Variants in AK8 observed in about 807,000 individuals in gnomAD.
The protein encoded by AK8 is adenylate kinase 8.
A neutral mutation model predicts 54.6 loss-of-function variants in AK8; 44 were observed. The observed-to-expected ratio is 0.81, with a 90% CI of 0.63 to 1.04. The LOEUF (loss-of-function observed/expected upper bound fraction) is 1.04. Among genes scored for constraint, AK8 ranks in the 50% least tolerant of loss-of-function variants. The pLI, the probability that AK8 is intolerant of heterozygous loss-of-function variation, is 0.00. For synonymous variants in AK8, 239 were observed against 245.6 expected, an observed-to-expected ratio of 0.97 and a Z score of 0.25; for missense variants, 555 against 613.6, an observed-to-expected ratio of 0.90 and a Z score of 1.01.
At chr9:132,794,558 C>T (rs1049495790) in intron 10 of AK8, among the ~76,000 whole-genome samples, 1 of 152,194 alleles carries the variant, frequency 6.6e-6, no homozygotes. Context: ...CACAAAGATA[C>T]TTCTCTCTGG....
chr9:132,812,201 C>T (rs553266716), intron 10 of AK8, among the ~76,000 whole-genome samples: 8 of 149,500 alleles, frequency 5.4e-5, no homozygotes, highest in Admixed American at 2.0e-4. Flanking sequence ...ACAGGTACTC[C>T]GCCATTGCTG....
At chr9:132,828,548 G>T in intron 6 of AK8, 97 bp downstream of exon 6, 1 of 1,078,762 alleles carries the variant, frequency 9.3e-7, no homozygotes, top group Non-Finnish European at 1.4e-6. Context: ...ACGGTGCCTG[G>T]GCTGAGGTCA....
At position 132,803,833 on chromosome 9, in the gene AK8, C is replaced by T. The variant is rs1013167698; in HGVS notation, c.979+10805G>A. 6.6e-6 allele frequency among the ~76,000 whole-genome samples: 1 copy of T among 152,064 alleles called. No homozygotes were observed. The highest frequency in any genetic ancestry group is 1.5e-5 in the Non-Finnish European group (1 of 68,008). Reference sequence around the variant, plus strand: ...TTCCTTCAAGACTAATTCTCTGGGCCGGGCATGGTGGTTCACGCCTGTAAT... The same window carrying T: ...TTCCTTCAAGACTAATTCTCTGGGCTGGGCATGGTGGTTCACGCCTGTAAT... On this transcript the variant is annotated intron_variant, in intron 10 of 12. Coordinates refer to ENST00000298545, the MANE Select transcript of AK8 (RefSeq NM_152572.3). This position sits in a 1 kb window ranked among gnomAD's most constrained non-coding sequence, Gnocchi z 4.4.
chr9:132,748,938 G>A (rs1426952391), intron 11 of AK8, among the ~76,000 whole-genome samples: 1 of 151,882 alleles, frequency 6.6e-6, no homozygotes, highest in Non-Finnish European at 1.5e-5. Context: ...GCAATGGCGC[G>A]ATCTCGGCTC....
At chr9:132,798,884 C>T (rs1282415918) in intron 10 of AK8, among the ~76,000 whole-genome samples, 1 of 152,156 alleles carries the variant, frequency 6.6e-6, no homozygotes, top group Non-Finnish European at 1.5e-5. Context: ...GGGCCCGTGT[C>T]CCACCCTCCT....
rs1839879941 is a variant in AK8 at position 132,790,015 on chromosome 9, G to C, written c.1121+2619C>G. On this transcript the variant is annotated intron_variant, in intron 11 of 12. Transcript: ENST00000298545. This position sits in a 1 kb window ranked among gnomAD's most constrained non-coding sequence, Gnocchi z 4.1. Reference sequence around the variant, plus strand: ...CATGTAATGTAATATTCAGACGCATGACAGCAGGGGGCAAAGGTCCTAAGG... The same window carrying C: ...CATGTAATGTAATATTCAGACGCATCACAGCAGGGGGCAAAGGTCCTAAGG... Among the ~76,000 whole-genome samples, 1 of 152,166 alleles carries C rather than the reference G, an allele frequency of 6.6e-6. No individual in the cohort carries two copies. The highest frequency in any genetic ancestry group is 1.5e-5 in the Non-Finnish European group (1 of 68,044).
chr9:132,792,027 C>T (rs1433956810), intron 11 of AK8, among the ~76,000 whole-genome samples: 1 of 152,238 alleles, frequency 6.6e-6, no homozygotes, highest in East Asian at 1.9e-4. Context: ...ACCTCCGCTG[C>T]CTGCCTGTGA....
At chr9:132,745,669 G>C (rs939217837) in intron 11 of AK8, among the ~76,000 whole-genome samples, 3 of 152,108 alleles carry the variant, frequency 2.0e-5, no homozygotes, top group African/African-American at 7.2e-5. Context: ...GGTAGTGGAG[G>C]GGAGGTCCAC....
intron 10 of AK8, among the ~76,000 whole-genome samples, chr9:132,796,849 G>A (rs993134133): frequency 6.0e-5 from 9 of 149,334 alleles, no homozygotes; most frequent in African/African-American, 1.2e-4. Flanking sequence ...GCCACTTCAC[G>A]CTCCATGAAT....
chr9:132,866,790 G>T, intron 3 of AK8, 114 bp downstream of exon 3: 1 of 1,044,312 alleles, frequency 9.6e-7, no homozygotes, highest in Non-Finnish European at 1.5e-6. Flanking sequence ...AGGAGGAGAA[G>T]GAAAAGAAGA....
At position 132,814,695 on chromosome 9, in the gene AK8, C is replaced by T. The variant is rs768369312; in HGVS notation, c.922G>A (p.Ala308Thr). 18 of 1,613,992 alleles carry T rather than the reference C, an allele frequency of 1.1e-5. 1 individual carries two copies. The South Asian group carries it at 1.9e-4, about 17-fold the overall frequency. ...CCGQLLKEAVADRTTFGELIQ... is the reference protein window; with the variant it reads ...CCGQLLKEAVTDRTTFGELIQ... ...AGCTCGCCAAACGTGGTCCTATCTG[C>T]CACAGCCTCTTTCAGCAGTTGCCCA... The change falls in exon 10 of 13, where the codon GCA becomes ACA. Residue 308 changes from alanine to threonine, a missense_variant. Ala to Thr is a moderately conservative substitution (Grantham distance 58). Coordinates refer to ENST00000298545, the MANE Select transcript of AK8 (RefSeq NM_152572.3).
intron 11 of AK8, among the ~76,000 whole-genome samples, chr9:132,759,223 T>G (rs1435371020): frequency 6.7e-6 from 1 of 148,698 alleles, no homozygotes; most frequent in East Asian, 2.0e-4. Context: ...AAAATAGAAA[T>G]GTACAATTCC....
rs983734514 is a variant in AK8 at position 132,782,428 on chromosome 9, G to A, written c.1121+10206C>T. Among the ~76,000 whole-genome samples, 5 of 152,136 alleles carry A rather than the reference G, an allele frequency of 3.3e-5. No homozygotes were observed. The East Asian group carries it at 5.8e-4, about 18-fold the overall frequency. On this transcript the variant is annotated intron_variant, in intron 11 of 12. Transcript: ENST00000298545. ...ATGCAGGCTGGGAGCAGTGGCTCAC[G>A]CCTGTAATCCCAACACTTTGGGAGC...
Position 132,841,770 on chromosome 9 carries a change from C to T in AK8, c.403-13044G>A, listed in dbSNP as rs1033622583. ...ATAAGACAAACTGGGATTCATCCAC[C>T]AGGTGTGATCACTTTTATGTTACAC... On this transcript the variant is annotated intron_variant, in intron 5 of 12. Coordinates refer to ENST00000298545, the MANE Select transcript of AK8 (RefSeq NM_152572.3). Among the ~76,000 whole-genome samples the T allele has an allele frequency of 3.3e-5, 5 of 152,280 alleles. 1 individual carries two copies. The highest frequency in any genetic ancestry group is 1.9e-4 in the East Asian group (1 of 5,176).
chr9:132,732,730 G>C (rs1246514567), intron 11 of AK8, among the ~76,000 whole-genome samples: 1 of 152,040 alleles, frequency 6.6e-6, no homozygotes, highest in Non-Finnish European at 1.5e-5. Context: ...CATTGTTTGG[G>C]GCCCTGGTTC....
intron 5 of AK8, among the ~76,000 whole-genome samples, chr9:132,833,783 C>T (rs2131323370): frequency 6.6e-6 from 1 of 152,390 alleles, no homozygotes; most frequent in African/African-American, 2.4e-5. Flanking sequence ...CAGCAGAGCA[C>T]GGCCTGATGC....
At position 132,814,677 on chromosome 9, in the gene AK8, C is replaced by G. The variant is rs573067746; in HGVS notation, c.940G>C (p.Gly314Arg). 11 of 1,614,116 alleles carry G rather than the reference C, an allele frequency of 6.8e-6. No individual in the cohort carries two copies. Among genetic ancestry groups the G allele is most frequent in the African/African-American group, 6.7e-5 (5 of 75,024 alleles). ...TCAAAGAAGGGCTGGATGAGCTCGCCAAACGTGGTCCTATCTGCCACAGCC... is the reference window on the plus strand; with the variant it reads ...TCAAAGAAGGGCTGGATGAGCTCGCGAAACGTGGTCCTATCTGCCACAGCC... The part of the protein sequence containing the change: ...KEAVADRTTF[G>R]ELIQPFFEKE... The change falls in exon 10 of 13, where the codon GGC (glycine) becomes CGC (arginine). Residue 314 changes from glycine (G) to arginine (R), a missense_variant. Transcript: ENST00000298545.
At chr9:132,733,601 C>T (rs404452) in intron 11 of AK8, among the ~76,000 whole-genome samples, 80,320 of 152,142 alleles carry the variant, frequency 0.53, 21,562 homozygotes, top group Admixed American at 0.67. Context: ...AGCCTCGCTG[C>T]GGAGGGCCCT....
chr9:132,748,829 A>T (rs1279701602), intron 11 of AK8, among the ~76,000 whole-genome samples: 4 of 151,880 alleles, frequency 2.6e-5, no homozygotes, highest in Non-Finnish European at 4.4e-5. Flanking sequence ...GTACACACTA[A>T]TTTCTTGGAT....
Sources: gnomAD v4.1 joint callset for allele counts (sites outside exome capture counted in the v4.1 genomes callset) on GRCh38, gnomAD v4.1.1 for gene constraint, Gnocchi (gnomAD v3.1) non-coding constraint, MANE v1.5 for transcripts, NCBI Gene and HGNC (gene_info 2026-07-23, HGNC 2026-07-21) for gene names.